Variants in ZNRF3 observed in about 807,000 individuals in gnomAD.
ZNRF3 encodes zinc and ring finger 3.
ZNRF3 carries 23 observed loss-of-function variants against 72.5 expected under a neutral mutation model. The ratio of observed to expected loss-of-function variants is 0.32; its 90% CI spans 0.23 to 0.45. ZNRF3 has a LOEUF of 0.45. Ranked by LOEUF, ZNRF3 falls within the 20% of genes least tolerant of loss-of-function variation. The pLI, the probability that ZNRF3 is intolerant of heterozygous loss-of-function variation, is 1.00. For synonymous variants in ZNRF3, 610 were observed against 545.3 expected, an observed-to-expected ratio of 1.12 and a Z score of -1.65; for missense variants, 1,169 against 1,272.1, an observed-to-expected ratio of 0.92 and a Z score of 1.23.
Position 28,916,350 on chromosome 22 carries a change from A to G in ZNRF3, c.300+32284A>G, listed in dbSNP as rs1171231764. Among the ~76,000 whole-genome samples the G allele has an allele frequency of 2.6e-5, 4 of 152,044 alleles. No homozygotes were observed. In the South Asian group the frequency reaches 8.3e-4, roughly 32 times the overall value. ...GCTGGGATTATAGGCATGAGCCACC[A>G]TGCCTGGCTGAGATTTTTATTTTTT... On this transcript the variant is annotated intron_variant, in intron 1 of 8. Transcript: ENST00000544604.
intron 1 of ZNRF3, among the ~76,000 whole-genome samples, chr22:28,966,286 G>A (rs1224712417): frequency 6.6e-6 from 1 of 152,160 alleles, no homozygotes; most frequent in Non-Finnish European, 1.5e-5. Flanking sequence ...GCATAATGAC[G>A]TTTCAGTCAA....
chr22:29,050,157 C>G lies in ZNRF3; in HGVS notation c.1976C>G (p.Ser659Cys), dbSNP rs563982294. The change falls in exon 8 of 9, where the codon TCC (serine) becomes TGC (cysteine). Residue 659 changes from serine to cysteine, a missense_variant. This residue lies in a region of ZNRF3 where 783 missense variants were observed against 731.4 expected (regional missense o/e 1.07). Transcript: ENST00000544604. ...GCCTCTCCCTCGGGGGATCAGGTGT[C>G]CACCTGCAGCCTGGAGATGAACTAC... ...GPASPSGDQVSTCSLEMNYSS... is the reference protein window; with the variant it reads ...GPASPSGDQVCTCSLEMNYSS... 6.2e-7 allele frequency: 1 copy of G among 1,603,992 alleles called. No individual in the cohort carries two copies. Among genetic ancestry groups the G allele is most frequent in the East Asian group, 2.2e-5 (1 of 44,862 alleles).
chr22:28,998,234 G>A (rs75197835), intron 2 of ZNRF3, among the ~76,000 whole-genome samples: 2 of 152,008 alleles, frequency 1.3e-5, no homozygotes, highest in South Asian at 2.1e-4. Flanking sequence ...GAGAGGCAAA[G>A]GTTGCAGTGA....
In ZNRF3 at chr22:29,050,379, T is replaced by C. The variant is rs201483333; in HGVS notation, c.2198T>C (p.Leu733Ser). The C allele has an allele frequency of 8.4e-5, 134 of 1,604,198 alleles. No homozygotes were observed. The African/African-American group carries it at 1.6e-3, about 19-fold the overall frequency. ...GCCGGAGCAGCTGGCAGCAGCACCT[T>C]GTTCCTGGGGCCCCACCTCTACGAG... is the stretch of plus-strand genomic sequence containing the variant. ...PSAGAAGSST[L>S]FLGPHLYEGS... The change falls in exon 8 of 9, where the codon TTG (leucine) becomes TCG (serine). Residue 733 changes from leucine to serine, a missense_variant. Leu to Ser is a moderately radical substitution (Grantham distance 145). Coordinates refer to ENST00000544604, the MANE Select transcript of ZNRF3 (RefSeq NM_001206998.2).
chr22:28,946,062 T>C (rs903959839), intron 1 of ZNRF3, among the ~76,000 whole-genome samples: 1 of 152,200 alleles, frequency 6.6e-6, no homozygotes, highest in African/African-American at 2.4e-5. Flanking sequence ...GCAATGCTCA[T>C]TGGAGCATTT....
chr22:28,966,960 A>C (rs1302745595), intron 1 of ZNRF3, among the ~76,000 whole-genome samples: 1 of 149,186 alleles, frequency 6.7e-6, no homozygotes, highest in East Asian at 2.0e-4. Context: ...GCTCACTGCA[A>C]CCTCTGCCTC....
intron 1 of ZNRF3, among the ~76,000 whole-genome samples, chr22:28,897,961 T>C (rs2034030971): frequency 6.6e-6 from 1 of 152,162 alleles, no homozygotes; most frequent in African/African-American, 2.4e-5. Flanking sequence ...TCTCTTTTTT[T>C]AGGTGGGGTC....
intron 2 of ZNRF3, among the ~76,000 whole-genome samples, chr22:29,018,834 C>T (rs1422511413): frequency 1.3e-5 from 2 of 152,090 alleles, no homozygotes; most frequent in Non-Finnish European, 2.9e-5. Context: ...TTAGCTTTTG[C>T]TGCATAACAA....
rs550390849 is a variant in ZNRF3, at chr22:29,042,168, C to A, written c.427-327C>A. ...AATAATTGTACATATTCGTGGGGTA[C>A]ATAGCAATATTTCAATACATACAAG... On this transcript the variant is annotated intron_variant, in intron 2 of 8. Transcript: ENST00000544604. Among the ~76,000 whole-genome samples, 6 of 152,266 alleles carry A rather than the reference C, an allele frequency of 3.9e-5. No homozygotes were observed. The South Asian group carries it at 1.2e-3, about 32-fold the overall frequency.
At chr22:28,890,118 A>AT (rs1461227147) in intron 1 of ZNRF3, among the ~76,000 whole-genome samples, 1 of 152,018 alleles carries the variant, frequency 6.6e-6, no homozygotes, top group East Asian at 1.9e-4. Context: ...TTCCTTTTTG[A>AT]TTGTTATTTC....
intron 2 of ZNRF3, among the ~76,000 whole-genome samples, chr22:28,997,332 G>A (rs1424860003): frequency 1.3e-5 from 2 of 151,786 alleles, no homozygotes; most frequent in African/African-American, 2.4e-5. Flanking sequence ...GTTTCCAAAC[G>A]GGGGCAATTT....
At chr22:28,987,041 G>C (rs1292315719) in intron 1 of ZNRF3, 35 bp from the exon 2 acceptor site, 1 of 1,591,706 alleles carries the variant, frequency 6.3e-7, no homozygotes, top group African/African-American at 1.4e-5. Context: ...TGTGTAGCTT[G>C]CCTGCTGAAG....
At chr22:28,988,124 C>G (rs2035889017) in intron 2 of ZNRF3, among the ~76,000 whole-genome samples, 1 of 152,154 alleles carries the variant, frequency 6.6e-6, no homozygotes, top group Admixed American at 6.5e-5. Flanking sequence ...TAGACTGCAT[C>G]ATTTTGTTAA....
intron 2 of ZNRF3, among the ~76,000 whole-genome samples, chr22:29,038,304 A>G (rs2123877949): frequency 6.6e-6 from 1 of 151,504 alleles, no homozygotes; most frequent in Middle Eastern, 3.4e-3. Context: ...AAATAAGGGC[A>G]GGGGGCAAAG....
chr22:28,942,801 A>G (rs563709029), intron 1 of ZNRF3, among the ~76,000 whole-genome samples: 9 of 152,172 alleles, frequency 5.9e-5, no homozygotes, highest in Non-Finnish European at 1.3e-4. Context: ...AGATTCCCCT[A>G]TTTAGATTCT....
At chr22:29,031,604 C>T (rs1404633062) in intron 2 of ZNRF3, 3 of 985,388 alleles carry the variant, frequency 3.0e-6, no homozygotes, top group Non-Finnish European at 2.4e-6. Context: ...GTGAAGAACT[C>T]GAGGAGGAGG....
intron 1 of ZNRF3, among the ~76,000 whole-genome samples, chr22:28,884,523 A>G (rs1354699101): frequency 6.6e-6 from 1 of 152,216 alleles, no homozygotes; most frequent in Non-Finnish European, 1.5e-5. Flanking sequence ...GGGCTGCACA[A>G]CGTCGGGTTC....
At chr22:28,995,604 G>C (rs1025581785) in intron 2 of ZNRF3, among the ~76,000 whole-genome samples, 2 of 152,146 alleles carry the variant, frequency 1.3e-5, no homozygotes, top group Non-Finnish European at 2.9e-5. Flanking sequence ...AAACCTCTCA[G>C]AATTTGGGCT....
At chr22:29,033,704 T>C (rs2036809403) in intron 2 of ZNRF3, among the ~76,000 whole-genome samples, 2 of 152,266 alleles carry the variant, frequency 1.3e-5, no homozygotes, top group South Asian at 4.2e-4. Flanking sequence ...GGTAAGCCAT[T>C]GGGCATAGGT....
Sources: gnomAD v4.1 joint callset for allele counts (sites outside exome capture counted in the v4.1 genomes callset) on GRCh38, gnomAD v4.1.1 for gene constraint, gnomAD v4.1.1 regional missense constraint, MANE v1.5 for transcripts, NCBI Gene and HGNC (gene_info 2026-07-23, HGNC 2026-07-21) for gene names.